The following DAO variants were observed in gnomAD, a reference collection of about 807,000 sequenced individuals.
DAO encodes the protein D-amino acid oxidase, also known as D-amino-acid oxidase.
DAO carries 51 observed loss-of-function variants against 50.1 expected under a neutral mutation model. The ratio of observed to expected loss-of-function variants is 1.02; its 90% confidence interval spans 0.81 to 1.29. The LOEUF is 1.29. DAO is among the 50% of genes most tolerant of loss of function. The pLI is 0.00. For missense variants in DAO, 436 were observed against 439.4 expected (o/e 0.99, Z 0.07); for synonymous variants, 160 against 166.2 (o/e 0.96, Z 0.29).
intron 5 of DAO, among the ~76,000 whole-genome samples, chr12:108,892,051 C>T (rs2137353282): frequency 6.6e-6 from 1 of 151,824 alleles, no homozygotes; most frequent in East Asian, 1.9e-4. Context: ...AGATGTTTTT[C>T]TATCTTGAGG....
intron 7 of DAO, among the ~76,000 whole-genome samples, chr12:108,894,962 C>G (rs193062046): frequency 2.0e-5 from 3 of 152,198 alleles, no homozygotes; most frequent in Admixed American, 2.0e-4. Context: ...GTGATCCCCC[C>G]ACCTTGGCCT....
At chr12:108,884,558 C>T (rs2039413711) in intron 1 of DAO, among the ~76,000 whole-genome samples, 1 of 152,216 alleles carries the variant, frequency 6.6e-6, no homozygotes, top group African/African-American at 2.4e-5. Context: ...CATCCATCCC[C>T]TCAAGCATAG....
intron 7 of DAO, 45 bp from the exon 8 acceptor site, chr12:108,896,961 T>C (rs374445236): frequency 1.5e-5 from 22 of 1,468,506 alleles, no homozygotes; most frequent in Middle Eastern, 1.7e-4. Flanking sequence ...GGCAGCCACA[T>C]TGACTCACCT....
At chr12:108,895,168 G>A (rs1020123977) in intron 7 of DAO, among the ~76,000 whole-genome samples, 14 of 145,920 alleles carry the variant, frequency 9.6e-5, no homozygotes, top group African/African-American at 3.8e-4. Flanking sequence ...ATTGGGATTG[G>A]AATCCAGGCA....
intron 1 of DAO, 107 bp downstream of exon 1, chr12:108,880,331 T>A (rs2039363315): frequency 2.9e-6 from 1 of 348,030 alleles, no homozygotes; most frequent in African/African-American, 2.1e-5. Flanking sequence ...CATTACAGCC[T>A]AAGGCAGGTG....
intron 8 of DAO, chr12:108,898,347 C>G: frequency 2.7e-6 from 1 of 368,858 alleles, no homozygotes; most frequent in Non-Finnish European, 5.3e-6. Flanking sequence ...AACATGGTTG[C>G]ACCAACCATG....
chr12:108,889,414 A>G (rs2039465812), intron 3 of DAO, 55 bp from the exon 4 acceptor site: 2 of 1,257,652 alleles, frequency 1.6e-6, no homozygotes, highest in South Asian at 1.2e-5. Context: ...CTGGCCCATT[A>G]TCATTATTAT....
chr12:108,882,120 A>T (rs1274333846), intron 1 of DAO, among the ~76,000 whole-genome samples: 1 of 152,240 alleles, frequency 6.6e-6, no homozygotes, highest in East Asian at 1.9e-4. Context: ...CTTATGAGTC[A>T]GGCTGGCCTG....
At position 108,886,017 on chromosome 12, in the gene DAO, G is replaced by A. The variant is rs79319981; in HGVS notation, c.194+817G>A. On this transcript the variant is annotated intron_variant, in intron 2 of 10. Transcript: ENST00000228476. ...TCTGCCCACCTTGACCTCCCAAAGT[G>A]CTGGGATTACAGGCATGAGCCATCA... is the stretch of plus-strand genomic sequence containing the variant. Among the ~76,000 whole-genome samples the A allele has an allele frequency of 6.9e-3, 1,046 of 152,232 alleles. 25 individuals carry two copies. Among genetic ancestry groups the A allele is most frequent in the Admixed American group, 0.033 (511 of 15,258 alleles).
chr12:108,883,804 C>G (rs2039406036), intron 1 of DAO: 2 of 347,898 alleles, frequency 5.7e-6, no homozygotes, highest in Admixed American at 7.2e-5. Flanking sequence ...GGTTCTATCT[C>G]CAACTTGGCT....
At chr12:108,893,071 G>A (rs1238345938) in intron 6 of DAO, 35 bp downstream of exon 6, 1 of 1,590,560 alleles carries the variant, frequency 6.3e-7, no homozygotes, top group Non-Finnish European at 8.6e-7. Flanking sequence ...GATGGGGCAG[G>A]GAGAAGAGGG....
At chr12:108,896,220 G>A (rs899176248) in intron 7 of DAO, among the ~76,000 whole-genome samples, 2 of 151,518 alleles carry the variant, frequency 1.3e-5, no homozygotes, top group African/African-American at 4.9e-5. Flanking sequence ...TCAGGAGTTC[G>A]AGACCAGCCT....
At chr12:108,891,881 T>C (rs1239751133) in intron 5 of DAO, among the ~76,000 whole-genome samples, 1 of 151,912 alleles carries the variant, frequency 6.6e-6, no homozygotes, top group African/African-American at 2.4e-5. Context: ...ATTACAGGCG[T>C]GAGCAAACAG....
At chr12:108,892,037 C>T (rs2039496856) in intron 5 of DAO, among the ~76,000 whole-genome samples, 1 of 152,112 alleles carries the variant, frequency 6.6e-6, no homozygotes, top group African/African-American at 2.4e-5. Context: ...AAAACATGCC[C>T]TCAAGATGTT....
chr12:108,892,956 C>A (rs568951308), intron 5 of DAO, 26 bp from the exon 6 acceptor site: 1 of 1,612,078 alleles, frequency 6.2e-7, no homozygotes. Context: ...GAATACTGGG[C>A]TTTTTGATGT....
At chr12:108,887,637 C>T in intron 3 of DAO, 73 bp downstream of exon 3, 2 of 1,078,366 alleles carry the variant, frequency 1.9e-6, no homozygotes, top group Non-Finnish European at 2.9e-6. Flanking sequence ...GCAGCAGAGC[C>T]TTAATCACAG....
rs549920610 is a variant in DAO, at chr12:108,889,363, G to C, written c.310-106G>C. ...GACCTCAGGTGATCCACCCATCTCA[G>C]CTTCCCAAAGTGCTGGGATTACAGG... On this transcript the variant is annotated intron_variant, in intron 3 of 10. Coordinates refer to ENST00000228476, the MANE Select transcript of DAO (RefSeq NM_001917.5). 529 of 738,188 alleles carry C rather than the reference G, an allele frequency of 7.2e-4. 1 individual carries two copies. The highest frequency in any genetic ancestry group is 4.8e-4 in the Non-Finnish European group (199 of 413,782). The allele number at this position is 738,188 out of a possible 1,614,324, so 45.7% of individuals were successfully genotyped here. A position where few individuals can be genotyped will look rare whatever the true frequency, so the allele number is the denominator to read the frequency against.
intron 5 of DAO, among the ~76,000 whole-genome samples, chr12:108,892,159 C>CT (rs11356161): frequency 0.034 from 3,668 of 108,984 alleles, 204 homozygotes; most frequent in African/African-American, 0.078. Context: ...TTTCTTTCTT[C>CT]TTTTTTTTTT....
chr12:108,896,587 T>C (rs1456606087), intron 7 of DAO, among the ~76,000 whole-genome samples: 2 of 152,034 alleles, frequency 1.3e-5, no homozygotes, highest in East Asian at 3.9e-4. Flanking sequence ...GGTCAGGTCA[T>C]TGAGGGAGGG....
Sources: allele counts gnomAD v4.1 joint callset (sites outside exome capture counted in the v4.1 genomes callset), GRCh38; gene constraint gnomAD v4.1.1; transcripts MANE v1.5; gene names NCBI Gene and HGNC (gene_info 2026-07-23, HGNC 2026-07-21).